ZNRF1: variants seen among roughly 807,000 people sequenced by gnomAD.
ZNRF1 encodes zinc and ring finger 1.
Under a neutral mutation model 18.4 loss-of-function variants are expected in ZNRF1, and 3 were observed. The observed-to-expected ratio is 0.16, with a 90% CI of 0.07 to 0.42. The LOEUF (loss-of-function observed/expected upper bound fraction) is 0.42, where lower values mean the gene tolerates loss of function less well. Ranked by LOEUF, ZNRF1 falls within the 10% of genes least tolerant of loss-of-function variation. The pLI is 0.99. For synonymous variants in ZNRF1, 157 were observed against 144.2 expected (o/e 1.09, Z -0.64); for missense variants, 310 against 329.8 (o/e 0.94, Z 0.47).
chr16:75,091,918 G>A (rs1293528931), intron 1 of ZNRF1, among the ~76,000 whole-genome samples: 1 of 152,090 alleles, frequency 6.6e-6, no homozygotes, highest in Admixed American at 6.6e-5. Flanking sequence ...AACATAAACA[G>A]TCGATTAAGA....
chr16:75,065,571 C>G (rs2035792669), intron 1 of ZNRF1, among the ~76,000 whole-genome samples: 1 of 152,108 alleles, frequency 6.6e-6, no homozygotes, highest in African/African-American at 2.4e-5. Context: ...ATATAGAAAG[C>G]TTAAAGTTAA....
At chr16:75,071,601 C>G (rs62059180) in intron 1 of ZNRF1, among the ~76,000 whole-genome samples, 1 of 152,044 alleles carries the variant, frequency 6.6e-6, no homozygotes, top group African/African-American at 2.4e-5. Context: ...GCATTTTGGC[C>G]GTACTCTGGG....
intron 1 of ZNRF1, among the ~76,000 whole-genome samples, chr16:75,057,325 T>C (rs2035681279): frequency 6.6e-6 from 1 of 152,242 alleles, no homozygotes; most frequent in Non-Finnish European, 1.5e-5. Flanking sequence ...TGTTTTCTTC[T>C]TTGCTCTGCT....
At chr16:75,053,056 A>G (rs922241670) in intron 1 of ZNRF1, among the ~76,000 whole-genome samples, 2 of 152,168 alleles carry the variant, frequency 1.3e-5, no homozygotes, top group African/African-American at 4.8e-5. Context: ...TCCTGAGCAA[A>G]TGGACTGAAA....
At chr16:75,087,555 ACT>A (rs2145416583) in intron 1 of ZNRF1, among the ~76,000 whole-genome samples, 1 of 151,968 alleles carries the variant, frequency 6.6e-6, no homozygotes, top group African/African-American at 2.4e-5. Flanking sequence ...CATTAGAAGG[ACT>A]CTCTTGGCTT....
chr16:75,096,285 T>C (rs778328991), intron 2 of ZNRF1, among the ~76,000 whole-genome samples: 1 of 152,142 alleles, frequency 6.6e-6, no homozygotes, highest in Non-Finnish European at 1.5e-5. Flanking sequence ...GGACTCCTCA[T>C]GTTCAGTCTT....
At chr16:75,043,639 A>G (rs891004768) in intron 1 of ZNRF1, among the ~76,000 whole-genome samples, 1 of 152,084 alleles carries the variant, frequency 6.6e-6, no homozygotes, top group African/African-American at 2.4e-5. Flanking sequence ...AGAGCTCACA[A>G]TCTGATAAAC....
At chr16:75,029,091 G>A (rs1363463716) in intron 1 of ZNRF1, among the ~76,000 whole-genome samples, 1 of 53,294 alleles carries the variant, frequency 1.9e-5, no homozygotes, top group Admixed American at 1.7e-4. Context: ...TTTTTTTTTT[G>A]CTACAACTCC....
intron 1 of ZNRF1, among the ~76,000 whole-genome samples, chr16:75,066,788 G>A (rs1420214230): frequency 6.6e-6 from 1 of 152,200 alleles, no homozygotes; most frequent in East Asian, 1.9e-4. Flanking sequence ...ACAGATGTGA[G>A]CCACCACCCC....
chr16:75,052,677 G>A (rs966430195), intron 1 of ZNRF1, among the ~76,000 whole-genome samples: 1 of 152,152 alleles, frequency 6.6e-6, no homozygotes, highest in African/African-American at 2.4e-5. Context: ...AGGCAGGTGT[G>A]TCAGACAGTA....
chr16:75,010,168 A>G (rs1007110961), intron 1 of ZNRF1, among the ~76,000 whole-genome samples: 3 of 152,048 alleles, frequency 2.0e-5, no homozygotes, highest in African/African-American at 7.2e-5. Flanking sequence ...TTTTTAGTAG[A>G]GACAAGGTTT....
At chr16:75,050,023 T>C (rs1253200527) in intron 1 of ZNRF1, among the ~76,000 whole-genome samples, 1 of 152,170 alleles carries the variant, frequency 6.6e-6, no homozygotes, top group East Asian at 1.9e-4. Flanking sequence ...AGTCAGCCAC[T>C]AGTCTCTTCT....
At chr16:75,070,196 C>G (rs570788337) in intron 1 of ZNRF1, among the ~76,000 whole-genome samples, 2 of 152,306 alleles carry the variant, frequency 1.3e-5, no homozygotes, top group African/African-American at 4.8e-5. Context: ...CATTGGGCAG[C>G]CAGCCCACTG....
chr16:75,034,424 G>C (rs186746769), intron 1 of ZNRF1, among the ~76,000 whole-genome samples: 1 of 152,200 alleles, frequency 6.6e-6, no homozygotes, highest in East Asian at 1.9e-4. Context: ...TTCACTTAGC[G>C]TAACATTCTC....
intron 3 of ZNRF1, chr16:75,105,637 C>A (rs1172273205): frequency 1.3e-5 from 2 of 152,328 alleles, no homozygotes; most frequent in Non-Finnish European, 2.9e-5. Context: ...AGGCTTAAGG[C>A]TGGCCTGGGA....
chr16:75,024,826 C>G (rs572361201), intron 1 of ZNRF1, among the ~76,000 whole-genome samples: 1 of 152,242 alleles, frequency 6.6e-6, no homozygotes, highest in African/African-American at 2.4e-5. Context: ...TTCGTGGTCA[C>G]AAAAATAATC....
chr16:75,071,292 G>T (rs1269182149), intron 1 of ZNRF1, among the ~76,000 whole-genome samples: 1 of 152,102 alleles, frequency 6.6e-6, no homozygotes, highest in African/African-American at 2.4e-5. Context: ...TAGAGACAGG[G>T]TTTCGCCATG....
At chr16:75,074,611 C>T (rs777690265) in intron 1 of ZNRF1, among the ~76,000 whole-genome samples, 21 of 152,124 alleles carry the variant, frequency 1.4e-4, no homozygotes, top group Admixed American at 5.9e-4. Flanking sequence ...TACACCAAGA[C>T]GACACGCTTG....
chr16:75,032,568 A>G (rs1481802376), intron 1 of ZNRF1, among the ~76,000 whole-genome samples: 1 of 152,064 alleles, frequency 6.6e-6, no homozygotes, highest in African/African-American at 2.4e-5. Flanking sequence ...AAAGAAAATT[A>G]AAGACTTGTG....
Sources: gnomAD v4.1 joint callset for allele counts (sites outside exome capture counted in the v4.1 genomes callset) on GRCh38, gnomAD v4.1.1 for gene constraint, MANE v1.5 for transcripts, NCBI Gene and HGNC (gene_info 2026-07-23, HGNC 2026-07-21) for gene names.